Variants in C12orf42 observed in about 807,000 individuals in gnomAD.
The protein encoded by C12orf42 is uncharacterized protein C12orf42.
C12orf42 carries 25 observed loss-of-function variants against 21.6 expected under a neutral mutation model. That is an observed-to-expected ratio of 1.16 (90% CI 0.84 to 1.62). The LOEUF (loss-of-function observed/expected upper bound fraction) is 1.62, where lower values mean the gene tolerates loss of function less well. C12orf42 is among the 40% of genes most tolerant of loss of function. C12orf42 has a pLI of 0.00. For synonymous variants in C12orf42, 174 were observed against 175.0 expected (o/e 0.99, Z 0.05); for missense variants, 483 against 459.3 (o/e 1.05, Z -0.47).
chr12:103,093,458 A>G, the C12orf42 span, among the ~76,000 whole-genome samples: 2 of 152,226 alleles, frequency 1.3e-5, no homozygotes, highest in African/African-American at 2.4e-5. Flanking sequence ...AGACTCCAAG[A>G]GAACTCAGTG....
At chr12:103,075,405 G>A in the C12orf42 span, among the ~76,000 whole-genome samples, 1 of 152,132 alleles carries the variant, frequency 6.6e-6, no homozygotes, top group African/African-American at 2.4e-5. Flanking sequence ...AGCATTGTAA[G>A]TACTTACAAA....
chr12:103,200,913 T>C, the C12orf42 span, among the ~76,000 whole-genome samples: 4 of 152,214 alleles, frequency 2.6e-5, no homozygotes, highest in Non-Finnish European at 5.9e-5. Flanking sequence ...ATAAGCTTGT[T>C]TATTTCTGTA....
In C12orf42 at chr12:103,274,516, T is replaced by G. The variant is rs553043019; in HGVS notation, n.398+2634A>C. Among the ~76,000 whole-genome samples, 3 of 152,360 alleles carry G rather than the reference T, an allele frequency of 2.0e-5. No homozygotes were observed. In the East Asian group the frequency reaches 5.8e-4, roughly 29 times the overall value. Reference sequence around the variant, plus strand: ...GTCTATAGAGCTAGAATTCTTCTTATAGATCATTCCTCACTTGTTACCCTT... The same window carrying G: ...GTCTATAGAGCTAGAATTCTTCTTAGAGATCATTCCTCACTTGTTACCCTT... On this transcript the variant is annotated intron_variant and non_coding_transcript_variant, in intron 5 of 6. Coordinates refer to the C12orf42 transcript ENST00000546526.
At chr12:103,191,796 A>G in the C12orf42 span, among the ~76,000 whole-genome samples, 1 of 151,768 alleles carries the variant, frequency 6.6e-6, no homozygotes, top group African/African-American at 2.4e-5. Context: ...TATAACCATA[A>G]AAATTGGTTA....
intron 2 of C12orf42, among the ~76,000 whole-genome samples, chr12:103,438,696 AC>A (rs1950946410): frequency 6.6e-6 from 1 of 152,094 alleles, no homozygotes; most frequent in South Asian, 2.1e-4. Flanking sequence ...AATCCAACTT[AC>A]AAGGGATGTG....
chr12:103,481,844 A>AT (rs1348039887), intron 1 of C12orf42, among the ~76,000 whole-genome samples: 1 of 149,136 alleles, frequency 6.7e-6, no homozygotes, highest in Non-Finnish European at 1.5e-5. Context: ...TGACTAAATT[A>AT]TTTTTTCTTT....
At chr12:103,556,163 C>T in the C12orf42 span, among the ~76,000 whole-genome samples, 2 of 152,284 alleles carry the variant, frequency 1.3e-5, no homozygotes, top group East Asian at 1.9e-4. Context: ...GGGTTCAAAG[C>T]CTGACTGTCA....
the C12orf42 span, among the ~76,000 whole-genome samples, chr12:103,101,508 A>C: frequency 2.0e-5 from 3 of 152,226 alleles, no homozygotes; most frequent in Non-Finnish European, 4.4e-5. Context: ...TCAGAAAATT[A>C]AAAACTATAC....
At chr12:103,085,132 A>G in the C12orf42 span, among the ~76,000 whole-genome samples, 1 of 152,306 alleles carries the variant, frequency 6.6e-6, no homozygotes, top group African/African-American at 2.4e-5. Context: ...ATTATAATGA[A>G]AAAGCAACTG....
Position 103,328,039 on chromosome 12 carries a change from T to C in C12orf42, c.260-21694A>G, listed in dbSNP as rs574177288. 1.0e-3 allele frequency among the ~76,000 whole-genome samples: 152 copies of C among 152,306 alleles called. 1 individual carries two copies. In the South Asian group the frequency reaches 0.012, roughly 12 times the overall value. ...AGTGATATCATTAGGATTGACTCCA[T>C]CTCTCAGCACTATTTTTTTCAGGTT... On this transcript the variant is annotated intron_variant, in intron 4 of 5. Transcript: ENST00000548883.
intron 5 of C12orf42, among the ~76,000 whole-genome samples, chr12:103,270,792 T>C (rs987621951): frequency 6.8e-6 from 1 of 146,050 alleles, no homozygotes; most frequent in Non-Finnish European, 1.5e-5. Context: ...TTTTTGTTTT[T>C]AATGATCTAA....
At chr12:103,498,262 T>C (rs564794393), upstream of C12orf42, among the ~76,000 whole-genome samples, 3 of 152,356 alleles carry the variant, frequency 2.0e-5, no homozygotes, top group South Asian at 2.1e-4. Context: ...GGCAATGTCA[T>C]AGAGAAGATG....
chr12:103,417,018 C>T (rs1566278260), intron 2 of C12orf42, among the ~76,000 whole-genome samples: 2 of 152,140 alleles, frequency 1.3e-5, no homozygotes, highest in African/African-American at 4.8e-5. Flanking sequence ...CCATACCTTC[C>T]CTATCTCACT....
chr12:103,377,514 G>A (rs1484460282), intron 3 of C12orf42, among the ~76,000 whole-genome samples: 2 of 152,092 alleles, frequency 1.3e-5, no homozygotes, highest in East Asian at 1.9e-4. Context: ...AACATTCTGG[G>A]TAGAGAGCAG....
chr12:103,218,688 G>C, the C12orf42 span, among the ~76,000 whole-genome samples: 1 of 152,178 alleles, frequency 6.6e-6, no homozygotes, highest in Non-Finnish European at 1.5e-5. Flanking sequence ...GGCTCAAAAG[G>C]AGAAAATATA....
chr12:103,325,857 A>G (rs754196859), intron 4 of C12orf42, among the ~76,000 whole-genome samples: 3 of 152,098 alleles, frequency 2.0e-5, no homozygotes, highest in African/African-American at 4.8e-5. Flanking sequence ...TGACAACTTA[A>G]AGCATGGAGA....
chr12:103,254,482 C>T (rs539577762), intron 10 of C12orf42, among the ~76,000 whole-genome samples: 2 of 152,200 alleles, frequency 1.3e-5, no homozygotes, highest in Non-Finnish European at 2.9e-5. Context: ...GCTACAGTAA[C>T]CAAAACAGCA....
chr12:103,097,514 A>C, the C12orf42 span, among the ~76,000 whole-genome samples: 1 of 152,236 alleles, frequency 6.6e-6, no homozygotes, highest in Non-Finnish European at 1.5e-5. Context: ...TTAAGTATTT[A>C]GAGTTGTCTA....
chr12:103,538,891 T>G, the C12orf42 span, among the ~76,000 whole-genome samples: 1 of 152,104 alleles, frequency 6.6e-6, no homozygotes, highest in Admixed American at 6.6e-5. Flanking sequence ...TTTTATGGAA[T>G]GAGGACATTG....
Sources: allele counts gnomAD v4.1 joint callset (sites outside exome capture counted in the v4.1 genomes callset), GRCh38; gene constraint gnomAD v4.1.1; transcripts MANE v1.5; gene names NCBI Gene and HGNC (gene_info 2026-07-23, HGNC 2026-07-21).